The following ANKS6 variants were observed in gnomAD, a reference collection of about 807,000 sequenced individuals.
The protein encoded by ANKS6 is ankyrin repeat and sterile alpha motif domain containing 6, also known as ankyrin repeat and SAM domain-containing protein 6.
A neutral mutation model predicts 77.9 loss-of-function variants in ANKS6; 47 were observed. That is an observed-to-expected ratio of 0.60 (90% CI 0.48 to 0.77). The LOEUF is 0.77. ANKS6 is among the 30% of genes least tolerant of loss of function. The pLI is 0.00. For synonymous variants in ANKS6, 488 were observed against 501.7 expected (o/e 0.97, Z 0.37); for missense variants, 1,150 against 1,159.1 (o/e 0.99, Z 0.11).
chr9:98,768,611 C>T (rs1353147964), intron 10 of ANKS6, among the ~76,000 whole-genome samples: 2 of 152,212 alleles, frequency 1.3e-5, no homozygotes, highest in Admixed American at 6.5e-5. Flanking sequence ...AGCCGGCCAG[C>T]AGCTGCACAG....
rs765013392 is a variant in ANKS6, at chr9:98,791,113, T to C, written c.360-507A>G. ...TGTGTGAATGCCGCTGCCCTTGCTT[T>C]TTCTCTTACACCATGCTGCCTCCTA... On this transcript the variant is annotated intron_variant, in intron 1 of 14. Transcript: ENST00000353234. This position sits in a 1 kb window ranked among gnomAD's most constrained non-coding sequence, Gnocchi z 4.3. Among the ~76,000 whole-genome samples, 89 of 152,314 alleles carry C rather than the reference T, an allele frequency of 5.8e-4. No homozygotes were observed. Among genetic ancestry groups the C allele is most frequent in the Non-Finnish European group, 1.1e-3 (78 of 68,020 alleles).
chr9:98,795,141 T>A (rs549287879), intron 1 of ANKS6, among the ~76,000 whole-genome samples: 1 of 152,260 alleles, frequency 6.6e-6, no homozygotes, highest in Non-Finnish European at 1.5e-5. Flanking sequence ...CAACTCCTGC[T>A]GATCTACTCC....
chr9:98,790,204 G>A lies in ANKS6; in HGVS notation c.762C>T (p.Leu254=). 1 of 1,606,178 alleles carries A rather than the reference G, an allele frequency of 6.2e-7. No individual in the cohort carries two copies. The highest frequency in any genetic ancestry group is 1.3e-5 in the African/African-American group (1 of 74,928). The change falls in exon 2 of 15, where the codon CTC becomes CTT. Residue 254 remains leucine, a synonymous_variant. Coordinates refer to ENST00000353234, the MANE Select transcript of ANKS6 (RefSeq NM_173551.5). ...LVEKGANPDH[L]SVLEKTAFEV... ...CGAAGGCGGTCTTCTCCAGCACGCT[G>A]AGGTGGTCAGGGTTGGCGCCCTTCT...
chr9:98,789,513 G>A (rs1388084818), intron 2 of ANKS6, among the ~76,000 whole-genome samples: 2 of 151,240 alleles, frequency 1.3e-5, no homozygotes, highest in Non-Finnish European at 2.9e-5. Flanking sequence ...TAGTGTTTGA[G>A]AAATGATCAG....
At chr9:98,746,794 G>C (rs148588834) in intron 13 of ANKS6, among the ~76,000 whole-genome samples, 247 of 152,290 alleles carry the variant, frequency 1.6e-3, no homozygotes, top group Non-Finnish European at 2.8e-3. Flanking sequence ...AGCATTAAGG[G>C]ATTGGGTCCC....
Position 98,773,908 on chromosome 9 carries a change from C to A in ANKS6, c.1790G>T (p.Gly597Val), listed in dbSNP as rs558840476. 4 of 1,585,122 alleles carry A rather than the reference C, an allele frequency of 2.5e-6. No individual in the cohort carries two copies. In the African/African-American group the frequency reaches 5.4e-5, roughly 21 times the overall value. ...TGTGCCCCCGCCGCCCACGGGGTGGCCCCTGCTGGCTCTCTGGGGCAGCGC... is the reference window on the plus strand; with the variant it reads ...TGTGCCCCCGCCGCCCACGGGGTGGACCCTGCTGGCTCTCTGGGGCAGCGC... ...KTALPQRASR[G>V]HPVGGGGTDT... The change falls in exon 9 of 15, where the codon GGC becomes GTC. Residue 597 changes from glycine (G) to valine (V), a missense_variant. Transcript: ENST00000353234.
In ANKS6 at chr9:98,733,074, G is replaced by T; in HGVS notation, c.*3445C>A. The T allele has an allele frequency of 1.2e-6, 1 of 810,154 alleles. No homozygotes were observed. The highest frequency in any genetic ancestry group is 1.5e-6 in the Non-Finnish European group (1 of 668,208). The allele number at this position is 810,154 out of a possible 1,614,324, so 50.2% of individuals were successfully genotyped here. A position where few individuals can be genotyped will look rare whatever the true frequency, so the allele number is the denominator to read the frequency against. On this transcript the variant is annotated 3_prime_UTR_variant, in exon 15 of 15. Coordinates refer to ENST00000353234, the MANE Select transcript of ANKS6 (RefSeq NM_173551.5). ...GGCTTCATCACCACACCATCTCACCGACATGATTGTCTCCTCTAAGATACT... is the reference window on the plus strand; with the variant it reads ...GGCTTCATCACCACACCATCTCACCTACATGATTGTCTCCTCTAAGATACT...
chr9:98,735,958 G>C lies in ANKS6; in HGVS notation c.*561C>G, dbSNP rs760389010. The C allele has an allele frequency of 5.8e-5, 71 of 1,228,460 alleles. No homozygotes were observed. The highest frequency in any genetic ancestry group is 6.8e-5 in the Non-Finnish European group (67 of 986,662). The allele number at this position is 1,228,460 out of a possible 1,614,324, so 76.1% of individuals were successfully genotyped here. A position where few individuals can be genotyped will look rare whatever the true frequency, so the allele number is the denominator to read the frequency against. ...AGGAGGGGCAAGTTAGAAGTTTTAA[G>C]GGAAGATGTGCCAGGAAGGCTAACC... On this transcript the variant is annotated 3_prime_UTR_variant, in exon 15 of 15. Transcript: ENST00000353234.
chr9:98,764,449 C>CAT (rs1362810069), intron 11 of ANKS6, among the ~76,000 whole-genome samples: 1 of 152,182 alleles, frequency 6.6e-6, no homozygotes, highest in Non-Finnish European at 1.5e-5. Flanking sequence ...TATTTCTTTA[C>CAT]ATATTCCTTC....
chr9:98,781,548 G>A lies in ANKS6; in HGVS notation c.1219+919C>T, dbSNP rs80000497. 6.6e-5 allele frequency among the ~76,000 whole-genome samples: 10 copies of A among 152,244 alleles called. No individual in the cohort carries two copies. In the East Asian group the frequency reaches 1.7e-3, roughly 26 times the overall value. On this transcript the variant is annotated intron_variant, in intron 5 of 14. Coordinates refer to ENST00000353234, the MANE Select transcript of ANKS6 (RefSeq NM_173551.5). ...GACAGATCACTTCCCGAGTCTTGGC[G>A]ACCTCATCTCTTCAAGAGGATGTGA...
At chr9:98,740,349 G>C (rs1831756631) in intron 14 of ANKS6, among the ~76,000 whole-genome samples, 1 of 152,120 alleles carries the variant, frequency 6.6e-6, no homozygotes, top group African/African-American at 2.4e-5. Flanking sequence ...CAATCCAAAG[G>C]CTGGAGGGTA....
At position 98,756,400 on chromosome 9, in the gene ANKS6, C is replaced by T. The variant is rs760952710; in HGVS notation, c.2326+20G>A. 51 of 1,606,976 alleles carry T rather than the reference C, an allele frequency of 3.2e-5. No individual in the cohort carries two copies. Among genetic ancestry groups the T allele is most frequent in the Non-Finnish European group, 1.9e-5 (22 of 1,177,174 alleles). On this transcript the variant is annotated intron_variant, in intron 12 of 14. Coordinates refer to ENST00000353234, the MANE Select transcript of ANKS6 (RefSeq NM_173551.5). ...ATGGTGAGAGGAATAGGTGGGGTTT[C>T]AGGCCCTCAGGGGACTCACCCTCAT...
At chr9:98,754,044 A>T (rs1351760931) in intron 12 of ANKS6, among the ~76,000 whole-genome samples, 1 of 152,134 alleles carries the variant, frequency 6.6e-6, no homozygotes, top group Non-Finnish European at 1.5e-5. Context: ...GGAGCCTACC[A>T]TGGCACATGG....
chr9:98,761,424 T>C (rs1436228809), intron 11 of ANKS6, among the ~76,000 whole-genome samples: 1 of 152,204 alleles, frequency 6.6e-6, no homozygotes, highest in Non-Finnish European at 1.5e-5. Flanking sequence ...TATGAGCCAC[T>C]GCACCTGGCT....
intron 14 of ANKS6, among the ~76,000 whole-genome samples, chr9:98,739,999 C>T (rs1245240318): frequency 1.3e-5 from 2 of 151,970 alleles, no homozygotes; most frequent in African/African-American, 4.8e-5. Flanking sequence ...TCGTGATCCG[C>T]CCGCCTCGGC....
chr9:98,733,730 G>A lies in ANKS6; in HGVS notation c.*2789C>T, dbSNP rs374278477. ...CCTGACCCATGCTGGCATGCTGAAG[G>A]TTGTGAGAGGCCTGTAGCAAAGATG... On this transcript the variant is annotated 3_prime_UTR_variant, in exon 15 of 15. Coordinates refer to ENST00000353234, the MANE Select transcript of ANKS6 (RefSeq NM_173551.5). 1.8e-4 allele frequency: 181 copies of A among 985,520 alleles called. 1 individual carries two copies. The South Asian group carries it at 6.8e-3, about 37-fold the overall frequency. The allele number at this position is 985,520 out of a possible 1,614,324, so 61.0% of individuals were successfully genotyped here.
chr9:98,784,170 G>A lies in ANKS6; in HGVS notation c.908-13C>T, dbSNP rs1421373044. ...AGCTGGAAGTTTCCTGCAAACACAA[G>A]CAGGAGTCCGGGTGAACTGTGGGCC... On this transcript the variant is annotated splice_polypyrimidine_tract_variant and intron_variant, in intron 3 of 14. Coordinates refer to ENST00000353234, the MANE Select transcript of ANKS6 (RefSeq NM_173551.5). The A allele has an allele frequency of 6.6e-7, 1 of 1,513,110 alleles. No homozygotes were observed. The highest frequency in any genetic ancestry group is 2.0e-5 in the Admixed American group (1 of 49,586). The allele number at this position is 1,513,110 out of a possible 1,614,324, so 93.7% of individuals were successfully genotyped here. A position where few individuals can be genotyped will look rare whatever the true frequency, so the allele number is the denominator to read the frequency against.
Position 98,736,420 on chromosome 9 carries a change from T to C in ANKS6, c.*99A>G. ...TCCCGAGCAAAGGGAACAACATGAC[T>C]AAGGCACAGCAGTGTGACGGGGGCA... On this transcript the variant is annotated 3_prime_UTR_variant, in exon 15 of 15. Transcript: ENST00000353234. The C allele has an allele frequency of 6.9e-7, 1 of 1,456,316 alleles. No individual in the cohort carries two copies. Among genetic ancestry groups the C allele is most frequent in the South Asian group, 1.5e-5 (1 of 68,818 alleles). 90.2% of individuals were successfully genotyped at this position (1,456,316 alleles called of 1,614,324 possible). A position where few individuals can be genotyped will look rare whatever the true frequency, so the allele number is the denominator to read the frequency against.
rs747703271 is a variant in ANKS6, at chr9:98,782,512, T to A, written c.1174A>T (p.Asn392Tyr). ...QGADVTLRAK[N>Y]GYTAFDLVML... ...ACCAGGTCAAAGGCCGTGTATCCAT[T>A]TTTTGCACGAAGAGTGACATCGGCC... is the stretch of plus-strand genomic sequence containing the variant. Residue 392 changes from asparagine to tyrosine, a missense_variant, in exon 5 of 15, where the codon AAT becomes TAT. Asn to Tyr is a moderately radical substitution (Grantham distance 143, BLOSUM62 -2). Transcript: ENST00000353234. 1 of 1,614,228 alleles carries A rather than the reference T, an allele frequency of 6.2e-7. No homozygotes were observed. Among genetic ancestry groups the A allele is most frequent in the South Asian group, 1.1e-5 (1 of 91,086 alleles).
Sources: gnomAD v4.1 joint callset for allele counts (sites outside exome capture counted in the v4.1 genomes callset) on GRCh38, gnomAD v4.1.1 for gene constraint, Gnocchi (gnomAD v3.1) non-coding constraint, MANE v1.5 for transcripts, NCBI Gene and HGNC (gene_info 2026-07-23, HGNC 2026-07-21) for gene names.